The following NDUFA11 variants were observed in gnomAD, a reference collection of about 807,000 sequenced individuals.
NDUFA11 encodes the protein NADH dehydrogenase [ubiquinone] 1 alpha subcomplex subunit 11.
Under a neutral mutation model 11.3 loss-of-function variants are expected in NDUFA11, and 14 were observed. The observed-to-expected ratio is 1.24, with a 90% CI of 0.82 to 1.94. NDUFA11 has a LOEUF of 1.94. Among genes scored for constraint, NDUFA11 ranks in the 30% most tolerant of loss-of-function variants. The pLI, the probability that NDUFA11 is intolerant of heterozygous loss-of-function variation, is 0.00. For missense variants in NDUFA11, 204 were observed against 200.3 expected, an observed-to-expected ratio of 1.02 and a Z score of -0.11; for synonymous variants, 87 against 85.6, an observed-to-expected ratio of 1.02 and a Z score of -0.09.
downstream of NDUFA11, chr19:5,892,551 G>A (rs954631577): frequency 2.1e-5 from 4 of 186,914 alleles, no homozygotes; most frequent in Admixed American, 1.7e-4. Flanking sequence ...ATCACTTCCC[G>A]GCTGCGGTGG....
Position 5,896,199 on chromosome 19 carries a change from A to T in NDUFA11, c.313+254T>A. ...AGGACTGTACCTGGCATGTGGGAGG[A>T]GCAGTGAGGAGGCCCGTGTGGCTGG... On this transcript the variant is annotated intron_variant, in intron 3 of 3. Transcript: ENST00000308961. This position sits in a 1 kb window ranked among gnomAD's most constrained non-coding sequence, Gnocchi z 5.8. 1.7e-6 allele frequency: 1 copy of T among 581,392 alleles called. No homozygotes were observed. Among genetic ancestry groups the T allele is most frequent in the Admixed American group, 3.2e-5 (1 of 31,640 alleles). 36.0% of individuals were successfully genotyped at this position (581,392 alleles called of 1,614,324 possible). A position where few individuals can be genotyped will look rare whatever the true frequency, so the allele number is the denominator to read the frequency against.
At chr19:5,897,056 C>T (rs1005591260) in intron 1 of NDUFA11, 59 bp from the exon 2 acceptor site, 56 of 1,404,898 alleles carry the variant, frequency 4.0e-5, no homozygotes, top group Admixed American at 3.3e-4. Flanking sequence ...CTTGCTTGGC[C>T]GGGCACCCCA....
Position 5,896,773 on chromosome 19 carries a change from C to A in NDUFA11, c.190+132G>T, listed in dbSNP as rs887125588. On this transcript the variant is annotated intron_variant, in intron 2 of 3. Coordinates refer to ENST00000308961, the MANE Select transcript of NDUFA11 (RefSeq NM_175614.5). This position sits in a 1 kb window ranked among gnomAD's most constrained non-coding sequence, Gnocchi z 5.8. ...ATGTATTCCTGATAAAGGAACACCC[C>A]ACTTTCTCCGGATGGCCAGCACTGT... 1 of 1,177,054 alleles carries A rather than the reference C, an allele frequency of 8.5e-7. No individual in the cohort carries two copies. The highest frequency in any genetic ancestry group is 1.2e-5 in the South Asian group (1 of 82,440). 72.9% of individuals were successfully genotyped at this position (1,177,054 alleles called of 1,614,324 possible).
downstream of NDUFA11, chr19:5,893,032 G>A: frequency 6.5e-7 from 1 of 1,535,280 alleles, no homozygotes; most frequent in Non-Finnish European, 8.7e-7. The surrounding 1 kb of genome is among the most constrained non-coding windows in gnomAD (Gnocchi z 4.1). Flanking sequence ...CTTTCTCAGG[G>A]AGCCCGAGGC....
chr19:5,898,407 G>A (rs576376404), intron 1 of NDUFA11, among the ~76,000 whole-genome samples: 1 of 152,294 alleles, frequency 6.6e-6, no homozygotes, highest in African/African-American at 2.4e-5. Context: ...CCAGCAGTGG[G>A]GTGAGCACAT....
chr19:5,893,430 C>T, downstream of NDUFA11: 1 of 564,338 alleles, frequency 1.8e-6, no homozygotes, highest in African/African-American at 1.9e-5. The surrounding 1 kb of genome is among the most constrained non-coding windows in gnomAD (Gnocchi z 4.1). Flanking sequence ...CTGCCACTGC[C>T]CTCCAGCTTG....
At chr19:5,900,910 CAAAAA>C (rs1305134254) in intron 1 of NDUFA11, among the ~76,000 whole-genome samples, 2 of 51,632 alleles carry the variant, frequency 3.9e-5, no homozygotes, top group Non-Finnish European at 4.1e-5. Context: ...GACTCCGTCT[CAAAAA>C]AAAAAAAAAA....
rs752869203 is a variant in NDUFA11, at chr19:5,896,142, G to T, written c.313+311C>A. 6.9e-6 allele frequency: 4 copies of T among 577,940 alleles called. No homozygotes were observed. The highest frequency in any genetic ancestry group is 1.9e-5 in the African/African-American group (1 of 53,550). 35.8% of individuals were successfully genotyped at this position (577,940 alleles called of 1,614,324 possible). On this transcript the variant is annotated intron_variant, in intron 3 of 3. Transcript: ENST00000308961. This position sits in a 1 kb window ranked among gnomAD's most constrained non-coding sequence, Gnocchi z 5.8. ...GACAGTGAGGGGAACAGCATTCCAC[G>T]CAGTGCACTGCCCATGCAAAGGCCC...
At chr19:5,893,003 C>T (rs763923665), downstream of NDUFA11, 17 of 1,529,358 alleles carry the variant, frequency 1.1e-5, no homozygotes, top group Middle Eastern at 3.4e-4. This position sits in a 1 kb window ranked among gnomAD's most constrained non-coding sequence, Gnocchi z 4.1. Context: ...CCTCTGGGTG[C>T]GGGGTGGGTG....
downstream of NDUFA11, chr19:5,892,737 TAG>T: frequency 2.4e-6 from 2 of 820,110 alleles, no homozygotes; most frequent in South Asian, 3.4e-5. Flanking sequence ...CCGGCCGCAG[TAG>T]AGACAGAGGC....
chr19:5,903,713 C>T lies in NDUFA11; in HGVS notation c.-5G>A, dbSNP rs920548829. 4 of 1,551,448 alleles carry T rather than the reference C, an allele frequency of 2.6e-6. No individual in the cohort carries two copies. Among genetic ancestry groups the T allele is most frequent in the Admixed American group, 2.0e-5 (1 of 51,014 alleles). The stretch of plus-strand genomic sequence containing the variant: ...ACGAAAAACCTTCGGCGCCATAGCC[C>T]GCAATCTCGATCCCGCACCACGGAC... On this transcript the variant is annotated 5_prime_UTR_variant, in exon 1 of 4. Coordinates refer to ENST00000308961, the MANE Select transcript of NDUFA11 (RefSeq NM_175614.5).
Position 5,896,952 on chromosome 19 carries a change from G to A in NDUFA11, c.143C>T (p.Thr48Ile). The A allele has an allele frequency of 6.2e-7, 1 of 1,614,120 alleles. No homozygotes were observed. The highest frequency in any genetic ancestry group is 8.5e-7 in the Non-Finnish European group (1 of 1,180,030). The change falls in exon 2 of 4, where the codon ACC (threonine) becomes ATC (isoleucine). Residue 48 changes from threonine to isoleucine, a missense_variant. Thr to Ile is a moderately conservative substitution (Grantham distance 89, BLOSUM62 -1). Coordinates refer to ENST00000308961, the MANE Select transcript of NDUFA11 (RefSeq NM_175614.5). This position sits in a 1 kb window ranked among gnomAD's most constrained non-coding sequence, Gnocchi z 5.8. ...AACCTTAGCCACTCCTTCAAGGAAG[G>A]TGCCCGGAGGATTGAGTGTGACTCT... is the stretch of plus-strand genomic sequence containing the variant. ...AYRVTLNPPG[T>I]FLEGVAKVGQ...
At position 5,896,579 on chromosome 19, in the gene NDUFA11, CG is replaced by C. The variant is rs945369326; in HGVS notation, c.191-5del. The C allele has an allele frequency of 2.6e-6, 4 of 1,561,962 alleles. No homozygotes were observed. The African/African-American group carries it at 5.4e-5, about 21-fold the overall frequency. ...CCAAACACGGCCCCGACAGCAGCTG[CG>C]GGGTAGACGGGAAGAGCAAGGGCCT... On this transcript the variant is annotated splice_region_variant and splice_polypyrimidine_tract_variant and intron_variant, in intron 2 of 3. Transcript: ENST00000308961. This position sits in a 1 kb window ranked among gnomAD's most constrained non-coding sequence, Gnocchi z 5.8.
downstream of NDUFA11, chr19:5,892,636 G>A (rs1568428902): frequency 6.1e-6 from 2 of 328,874 alleles, no homozygotes; most frequent in African/African-American, 2.1e-5. Context: ...GGAATCTGAC[G>A]CCTGTGGTCA....
chr19:5,903,558 C>T, intron 1 of NDUFA11, 54 bp downstream of exon 1: 1 of 1,509,420 alleles, frequency 6.6e-7, no homozygotes, highest in East Asian at 2.5e-5. Context: ...CCAGTAACCC[C>T]ACGACCTCCC....
chr19:5,902,261 G>A (rs575396136), intron 1 of NDUFA11, among the ~76,000 whole-genome samples: 12 of 149,054 alleles, frequency 8.1e-5, no homozygotes, highest in Admixed American at 6.0e-4. Flanking sequence ...CACCATGCCC[G>A]GCCTATTATT....
Position 5,896,408 on chromosome 19 carries a change from C to G in NDUFA11, c.313+45G>C. ...GGATGAGCAGAGGTCAGGGGTCATT[C>G]TGCCAGGCTGGGAGGAGGGTGGGGG... On this transcript the variant is annotated intron_variant, in intron 3 of 3. Coordinates refer to ENST00000308961, the MANE Select transcript of NDUFA11 (RefSeq NM_175614.5). The surrounding 1 kb of genome is among the most constrained non-coding windows in gnomAD (Gnocchi z 5.8). 1 of 1,303,992 alleles carries G rather than the reference C, an allele frequency of 7.7e-7. No individual in the cohort carries two copies. Among genetic ancestry groups the G allele is most frequent in the Non-Finnish European group, 1.0e-6 (1 of 978,722 alleles). The allele number at this position is 1,303,992 out of a possible 1,614,324, so 80.8% of individuals were successfully genotyped here.
At chr19:5,895,218 C>A in intron 3 of NDUFA11, 1 of 274,938 alleles carries the variant, frequency 3.6e-6, no homozygotes, top group Non-Finnish European at 7.1e-6. Flanking sequence ...CCCATGGATG[C>A]CAGGGCCAGG....
chr19:5,903,548 C>T (rs1435004419), intron 1 of NDUFA11, 64 bp downstream of exon 1: 17 of 1,462,758 alleles, frequency 1.2e-5, no homozygotes, highest in Non-Finnish European at 1.6e-5. Context: ...CAAACAGCCC[C>T]CAGTAACCCC....
Sources: allele counts gnomAD v4.1 joint callset (sites outside exome capture counted in the v4.1 genomes callset), GRCh38; gene constraint gnomAD v4.1.1; non-coding constraint Gnocchi (gnomAD v3.1); transcripts MANE v1.5; gene names NCBI Gene and HGNC (gene_info 2026-07-23, HGNC 2026-07-21).